CCDC30: variants seen among roughly 807,000 people sequenced by gnomAD.
The protein encoded by CCDC30 is coiled-coil domain-containing protein 30.
Under a neutral mutation model 100.2 loss-of-function variants are expected in CCDC30, and 70 were observed. That is an observed-to-expected ratio of 0.70 (90% CI 0.58 to 0.85). CCDC30 has a LOEUF of 0.85. Ranked by LOEUF, CCDC30 falls within the 40% of genes least tolerant of loss-of-function variation. The pLI is 0.00. For synonymous variants in CCDC30, 233 were observed against 269.5 expected, an observed-to-expected ratio of 0.86 and a Z score of 1.33; for missense variants, 652 against 771.2, an observed-to-expected ratio of 0.85 and a Z score of 1.83.
chr1:42,500,988 T>C (rs917523111), intron 6 of CCDC30, among the ~76,000 whole-genome samples: 9 of 152,160 alleles, frequency 5.9e-5, no homozygotes, highest in Admixed American at 1.3e-4. Context: ...ATTTTCTTAA[T>C]AGTGTTTTAT....
chr1:42,491,228 A>G (rs912508492), intron 4 of CCDC30, among the ~76,000 whole-genome samples: 1 of 152,232 alleles, frequency 6.6e-6, no homozygotes. Flanking sequence ...ACATGACCTA[A>G]TTGATATTTA....
intron 6 of CCDC30, among the ~76,000 whole-genome samples, chr1:42,503,595 G>A (rs1569838759): frequency 6.6e-6 from 1 of 152,222 alleles, no homozygotes. Flanking sequence ...AGAAGATGGA[G>A]CTGCCATTTT....
intron 1 of CCDC30, among the ~76,000 whole-genome samples, chr1:42,471,430 C>T (rs986096383): frequency 6.6e-6 from 1 of 152,186 alleles, no homozygotes; most frequent in Non-Finnish European, 1.5e-5. Context: ...GAGGTATTTG[C>T]TTCCAGTCTT....
chr1:42,497,164 G>GA lies in CCDC30; in HGVS notation c.311dup (p.Asn104LysfsTer2). On this transcript the variant is annotated frameshift_variant, in exon 5 of 17. Coordinates refer to ENST00000668663, the Ensembl canonical transcript of CCDC30. LOFTEE classifies it high-confidence loss of function. Reference sequence around the variant, plus strand: ...CTGGATGAGGAAATTCTGGCTTTAAGAAATAGGGTTCGATCACTTGACTCA... The same window carrying GA: ...CTGGATGAGGAAATTCTGGCTTTAAGAAAATAGGGTTCGATCACTTGACTCA... 1.6e-6 allele frequency: 2 copies of GA among 1,234,292 alleles called. No individual in the cohort carries two copies. Among genetic ancestry groups the GA allele is most frequent in the Non-Finnish European group, 1.0e-6 (1 of 988,110 alleles). 76.5% of individuals were successfully genotyped at this position (1,234,292 alleles called of 1,614,324 possible).
intron 10 of CCDC30, among the ~76,000 whole-genome samples, chr1:42,599,010 G>A (rs1646348955): frequency 6.6e-6 from 1 of 152,068 alleles, no homozygotes; most frequent in African/African-American, 2.4e-5. Flanking sequence ...TAGAGAGAAG[G>A]GAAACAAAAT....
rs1010221543 is a variant in CCDC30 at position 42,539,920 on chromosome 1, A to T, written c.457-26376A>T. Among the ~76,000 whole-genome samples, 33 of 55,426 alleles carry T rather than the reference A, an allele frequency of 6.0e-4. 1 individual carries two copies. The East Asian group carries it at 0.014, about 24-fold the overall frequency. 36.4% of individuals were successfully genotyped at this position (55,426 alleles called of 152,430 possible). A position where few individuals can be genotyped will look rare whatever the true frequency, so the allele number is the denominator to read the frequency against. The stretch of plus-strand genomic sequence containing the variant: ...GCAGCACAGTGAGACCCCATCTCTA[A>T]AAAAAAAAAAAAAGAAAAGGCTACC... On this transcript the variant is annotated intron_variant, in intron 6 of 16. Transcript: ENST00000668663.
chr1:42,474,206 G>A (rs2148445686), intron 1 of CCDC30, among the ~76,000 whole-genome samples: 1 of 152,304 alleles, frequency 6.6e-6, no homozygotes, highest in African/African-American at 2.4e-5. Flanking sequence ...GCATCATAGA[G>A]TGTGAACTTT....
chr1:42,540,582 A>T (rs1421129844), intron 6 of CCDC30, among the ~76,000 whole-genome samples: 1 of 152,200 alleles, frequency 6.6e-6, no homozygotes, highest in Admixed American at 6.5e-5. Context: ...AAGACTTCCC[A>T]TATACTTTCA....
intron 6 of CCDC30, among the ~76,000 whole-genome samples, chr1:42,535,892 G>A (rs1337433208): frequency 1.3e-5 from 2 of 148,612 alleles, no homozygotes; most frequent in African/African-American, 5.0e-5. Context: ...TGGCAAGGCT[G>A]AATAGAGTAG....
chr1:42,459,337 A>AT (rs1197642993), upstream of CCDC30: 8 of 393,526 alleles, frequency 2.0e-5, no homozygotes, highest in African/African-American at 4.0e-5. Flanking sequence ...TAATTTTTGT[A>AT]TTTTTTTGTA....
chr1:42,595,315 G>A (rs1646264217), intron 10 of CCDC30: 1 of 152,376 alleles, frequency 6.6e-6, no homozygotes. Flanking sequence ...GGAAGCCCAA[G>A]GCGGGCGGAT....
At chr1:42,483,299 G>A (rs1016126816) in intron 3 of CCDC30, among the ~76,000 whole-genome samples, 1 of 152,098 alleles carries the variant, frequency 6.6e-6, no homozygotes, top group Non-Finnish European at 1.5e-5. Flanking sequence ...TTCTACTGAT[G>A]GACGATTGTG....
intron 1 of CCDC30, among the ~76,000 whole-genome samples, chr1:42,471,288 C>T (rs1643762334): frequency 6.6e-6 from 1 of 152,140 alleles, no homozygotes; most frequent in Non-Finnish European, 1.5e-5. Flanking sequence ...CAACCTTAGA[C>T]TCCCCTACTC....
chr1:42,578,671 G>C (rs150061282), intron 8 of CCDC30, among the ~76,000 whole-genome samples: 54 of 151,700 alleles, frequency 3.6e-4, no homozygotes, highest in African/African-American at 1.3e-3. Flanking sequence ...TAGTATAAAT[G>C]TTTTAAAGAT....
At chr1:42,547,414 T>A (rs1182117727) in intron 6 of CCDC30, among the ~76,000 whole-genome samples, 1 of 152,154 alleles carries the variant, frequency 6.6e-6, no homozygotes, top group Admixed American at 6.5e-5. Context: ...GAAGATGAAA[T>A]GGTCAATCTG....
intron 11 of CCDC30, among the ~76,000 whole-genome samples, chr1:42,628,069 C>T (rs1646965687): frequency 6.6e-6 from 1 of 152,160 alleles, no homozygotes; most frequent in Admixed American, 6.5e-5. Flanking sequence ...GGAGGCTATA[C>T]CCTGCAAAGC....
intron 4 of CCDC30, among the ~76,000 whole-genome samples, chr1:42,494,692 G>T (rs1322467509): frequency 7.2e-6 from 1 of 138,920 alleles, no homozygotes; most frequent in Non-Finnish European, 1.6e-5. Context: ...AAAAGTGGGC[G>T]AAGGACATGA....
Position 42,510,055 on chromosome 1 carries a change from G to A in CCDC30, c.456+11139G>A, listed in dbSNP as rs980380802. 7 of 985,298 alleles carry A rather than the reference G, an allele frequency of 7.1e-6. 1 individual carries two copies. In the Admixed American group the frequency reaches 2.5e-4, roughly 35 times the overall value. The allele number at this position is 985,298 out of a possible 1,614,324, so 61.0% of individuals were successfully genotyped here. A position where few individuals can be genotyped will look rare whatever the true frequency, so the allele number is the denominator to read the frequency against. On this transcript the variant is annotated intron_variant, in intron 6 of 16. Transcript: ENST00000668663. ...AAAAATACCATAGAAAAGTCTCGGG[G>A]TTTGTGTTGTAGAATTGGAGGAGCT...
upstream of CCDC30, chr1:42,460,464 A>G (rs1391131029): frequency 1.3e-6 from 1 of 795,272 alleles, no homozygotes; most frequent in South Asian, 5.8e-5. Flanking sequence ...GGAAAGAAGG[A>G]TACCTCCCTG....
Sources: allele counts gnomAD v4.1 joint callset (sites outside exome capture counted in the v4.1 genomes callset), GRCh38; gene constraint gnomAD v4.1.1; transcripts MANE v1.5; gene names NCBI Gene and HGNC (gene_info 2026-07-23, HGNC 2026-07-21).